NDRG3: variants seen among roughly 807,000 people sequenced by gnomAD.
NDRG3 encodes NDRG family member 3, also known as protein NDRG3.
In NDRG3, 23 loss-of-function variants were observed where a neutral mutation model predicts 57.2. That is an observed-to-expected ratio of 0.40 (90% confidence interval 0.29 to 0.57). NDRG3 has a LOEUF of 0.57. Ranked by LOEUF, NDRG3 falls within the 20% of genes least tolerant of loss-of-function variation. The pLI is 0.42. For missense variants in NDRG3, 384 were observed against 457.3 expected (o/e 0.84, Z 1.46); for synonymous variants, 132 against 162.6 (o/e 0.81, Z 1.43).
At chr20:36,720,607 G>A (rs1984533508) in intron 2 of NDRG3, among the ~76,000 whole-genome samples, 1 of 152,088 alleles carries the variant, frequency 6.6e-6, no homozygotes, top group Admixed American at 6.6e-5. Context: ...CCTCCCTGAT[G>A]TCATATTGAC....
intron 8 of NDRG3, among the ~76,000 whole-genome samples, chr20:36,679,846 TG>T (rs1206099344): frequency 6.6e-6 from 1 of 150,512 alleles, no homozygotes; most frequent in Non-Finnish European, 1.5e-5. Context: ...TTTTTTCAGA[TG>T]GAGTTTTGCT....
intron 12 of NDRG3, among the ~76,000 whole-genome samples, chr20:36,663,972 G>A (rs572650049): frequency 2.6e-5 from 4 of 152,016 alleles, no homozygotes; most frequent in African/African-American, 4.8e-5. Context: ...CACTACACCC[G>A]GCTAATTTTT....
At position 36,688,670 on chromosome 20, in the gene NDRG3, AATAC is replaced by A; in HGVS notation, c.199+5_199+8del. The stretch of plus-strand genomic sequence containing the variant: ...GATAAGAAGGGAAGGTGTAAAATAA[AATAC>A]ATACGGTTGAGGCCAATGTCATGAT... On this transcript the variant is annotated splice_donor_5th_base_variant and intron_variant, in intron 4 of 15. Coordinates refer to ENST00000349004, the MANE Select transcript of NDRG3 (RefSeq NM_032013.4). 6.3e-7 allele frequency: 1 copy of A among 1,588,338 alleles called. No homozygotes were observed. Among genetic ancestry groups the A allele is most frequent in the Non-Finnish European group, 8.6e-7 (1 of 1,156,692 alleles).
intron 1 of NDRG3, among the ~76,000 whole-genome samples, chr20:36,733,157 AAAAAAAAAAAAAAAAT>A (rs1421018479): frequency 7.9e-4 from 38 of 48,152 alleles, no homozygotes; most frequent in African/African-American, 4.3e-3. Context: ...AAAAAAAAAA[AAAAAAAAAAAAAAAAT>A]ATATATATAT....
At chr20:36,658,870 A>C (rs1978909101) in intron 13 of NDRG3, among the ~76,000 whole-genome samples, 1 of 152,130 alleles carries the variant, frequency 6.6e-6, no homozygotes, top group South Asian at 2.1e-4. Flanking sequence ...TGTTACTAAA[A>C]GCTTCCTTAC....
At chr20:36,695,509 G>C (rs762898761) in intron 3 of NDRG3, among the ~76,000 whole-genome samples, 1 of 152,160 alleles carries the variant, frequency 6.6e-6, no homozygotes, top group Non-Finnish European at 1.5e-5. Flanking sequence ...GGAAAAGAAC[G>C]CATTCCTGGG....
At chr20:36,684,615 C>T (rs1600894774) in intron 5 of NDRG3, 140 bp from the exon 6 acceptor site, 8 of 691,130 alleles carry the variant, frequency 1.2e-5, no homozygotes, top group East Asian at 5.4e-5. Context: ...TTTGGGACAC[C>T]GAGGTGGGCA....
chr20:36,693,841 G>A (rs111711947), intron 3 of NDRG3, among the ~76,000 whole-genome samples: 9,581 of 151,546 alleles, frequency 0.063, 1,059 homozygotes, highest in African/African-American at 0.22. Context: ...TGAGTTGCAC[G>A]ATTATTTCAT....
intron 8 of NDRG3, among the ~76,000 whole-genome samples, chr20:36,675,383 G>GT (rs201494066): frequency 0.032 from 2,172 of 68,648 alleles, 55 homozygotes; most frequent in African/African-American, 0.085. Flanking sequence ...TTTTTAAGTT[G>GT]TTTTTTTTTG....
chr20:36,741,103 C>A (rs1415192533), intron 1 of NDRG3, among the ~76,000 whole-genome samples: 1 of 152,206 alleles, frequency 6.6e-6, no homozygotes, highest in African/African-American at 2.4e-5. Flanking sequence ...CTTCCTTTCA[C>A]CATTCCTATC....
chr20:36,668,343 G>T (rs1398572024), intron 9 of NDRG3, among the ~76,000 whole-genome samples: 1 of 152,190 alleles, frequency 6.6e-6, no homozygotes, highest in Admixed American at 6.6e-5. Context: ...GTATGGTAGA[G>T]ATCATTCCTT....
intron 5 of NDRG3, 117 bp from the exon 6 acceptor site, chr20:36,684,592 A>G: frequency 3.5e-6 from 3 of 858,266 alleles, no homozygotes; most frequent in East Asian, 2.6e-5. Context: ...GCTCATGCCT[A>G]TAATCCCAGC....
intron 8 of NDRG3, among the ~76,000 whole-genome samples, chr20:36,678,676 G>A (rs543010687): frequency 2.1e-4 from 32 of 152,232 alleles, no homozygotes; most frequent in East Asian, 1.5e-3. Flanking sequence ...GCGAGACTCC[G>A]TCTCAAACAA....
At chr20:36,699,949 G>A (rs150717077) in intron 3 of NDRG3, among the ~76,000 whole-genome samples, 1,832 of 151,772 alleles carry the variant, frequency 0.012, 21 homozygotes, top group Non-Finnish European at 0.016. Context: ...GGTGAAACCC[G>A]TCTCTACTAA....
intron 7 of NDRG3, 128 bp from the exon 8 acceptor site, chr20:36,681,030 A>G: frequency 1.4e-6 from 1 of 695,714 alleles, no homozygotes; most frequent in Non-Finnish European, 2.4e-6. Flanking sequence ...AAGACTACAA[A>G]GAGGGAGAAC....
intron 2 of NDRG3, among the ~76,000 whole-genome samples, chr20:36,711,653 C>T (rs1983887670): frequency 6.6e-6 from 1 of 152,300 alleles, no homozygotes; most frequent in African/African-American, 2.4e-5. Context: ...CCCTCAAGAA[C>T]CTCAAGCTAT....
rs1481590172 is a variant in NDRG3, at chr20:36,653,366, G to C, written c.*154C>G. The C allele has an allele frequency of 3.1e-6, 2 of 643,666 alleles. No individual in the cohort carries two copies. The highest frequency in any genetic ancestry group is 3.7e-5 in the African/African-American group (2 of 54,780). 39.9% of individuals were successfully genotyped at this position (643,666 alleles called of 1,614,324 possible). ...GCTATACAAAAAAGGGGGTGGGCAG[G>C]CAGAGAGAATGATAAATCCAGGCTA... On this transcript the variant is annotated 3_prime_UTR_variant, in exon 16 of 16. Coordinates refer to ENST00000349004, the MANE Select transcript of NDRG3 (RefSeq NM_032013.4). This position sits in a 1 kb window ranked among gnomAD's most constrained non-coding sequence, Gnocchi z 4.2.
At chr20:36,730,824 G>A (rs1279812447) in intron 1 of NDRG3, among the ~76,000 whole-genome samples, 1 of 151,648 alleles carries the variant, frequency 6.6e-6, no homozygotes, top group African/African-American at 2.4e-5. Context: ...GGTAATTCCA[G>A]CTACTTGGGA....
intron 12 of NDRG3, among the ~76,000 whole-genome samples, chr20:36,661,304 G>A (rs888004452): frequency 1.3e-5 from 2 of 152,192 alleles, no homozygotes; most frequent in Admixed American, 1.3e-4. Context: ...GCACCCTTGT[G>A]TTCATGAAGG....
Sources: gnomAD v4.1 joint callset for allele counts (sites outside exome capture counted in the v4.1 genomes callset) on GRCh38, gnomAD v4.1.1 for gene constraint, Gnocchi (gnomAD v3.1) non-coding constraint, MANE v1.5 for transcripts, NCBI Gene and HGNC (gene_info 2026-07-23, HGNC 2026-07-21) for gene names.